Variants in SGK2 observed in about 807,000 individuals in gnomAD.
SGK2 encodes serum/glucocorticoid regulated kinase 2.
In SGK2, 36 loss-of-function variants were observed where a neutral mutation model predicts 47.5. The observed-to-expected ratio is 0.76, with a 90% CI of 0.58 to 1.00. SGK2 has a LOEUF of 1.00. Among genes scored for constraint, SGK2 ranks in the 50% least tolerant of loss-of-function variants. The probability of loss-of-function intolerance (pLI) is 0.00; values close to 1 mark genes in which losing one functional copy is unlikely to be tolerated. For missense variants in SGK2, 404 were observed against 467.4 expected, an observed-to-expected ratio of 0.86 and a Z score of 1.25; for synonymous variants, 157 against 181.9, an observed-to-expected ratio of 0.86 and a Z score of 1.10.
At position 43,583,692 on chromosome 20, in the gene SGK2, G is replaced by A. The variant is rs920001981; in HGVS notation, c.940-1160G>A. 4.9e-6 allele frequency: 4 copies of A among 818,262 alleles called. 1 individual carries two copies. 50.7% of individuals were successfully genotyped at this position (818,262 alleles called of 1,614,324 possible). A position where few individuals can be genotyped will look rare whatever the true frequency, so the allele number is the denominator to read the frequency against. On this transcript the variant is annotated intron_variant, in intron 12 of 12. Transcript: ENST00000373100. The stretch of plus-strand genomic sequence containing the variant: ...GCTTAAAACAACAATCTTTTGGCTG[G>A]GCATGGTAGTTCATATCTGTAACCC...
intron 1 of SGK2, among the ~76,000 whole-genome samples, chr20:43,559,552 C>A (rs1077832): frequency 3.3e-5 from 5 of 151,938 alleles, no homozygotes; most frequent in African/African-American, 1.2e-4. Flanking sequence ...CCTCAGTTTT[C>A]TCCTCCTTGA....
chr20:43,581,309 T>A (rs1201881730), intron 12 of SGK2, among the ~76,000 whole-genome samples: 2 of 152,170 alleles, frequency 1.3e-5, no homozygotes, highest in African/African-American at 4.8e-5. Context: ...TCATAAAAAA[T>A]TTTATAAATA....
chr20:43,563,510 C>T (rs986045078), intron 1 of SGK2, among the ~76,000 whole-genome samples: 1 of 152,118 alleles, frequency 6.6e-6, no homozygotes, highest in African/African-American at 2.4e-5. Context: ...CCATTTGGAA[C>T]GGGCTCAAAA....
rs1348971809 is a variant in SGK2, at chr20:43,585,567, A to G, written c.*551A>G. The G allele has an allele frequency of 6.5e-6, 1 of 153,140 alleles. No individual in the cohort carries two copies. Among genetic ancestry groups the G allele is most frequent in the Non-Finnish European group, 1.5e-5 (1 of 68,692 alleles). The allele number at this position is 153,140 out of a possible 1,614,324, so 9.5% of individuals were successfully genotyped here. A position where few individuals can be genotyped will look rare whatever the true frequency, so the allele number is the denominator to read the frequency against. On this transcript the variant is annotated 3_prime_UTR_variant, in exon 13 of 13. Transcript: ENST00000373100. ...CTCCTGGTGTTTGGATTTTGATCTCAATGTGTAAAATGACAGAGATGTAAC... is the reference window on the plus strand; with the variant it reads ...CTCCTGGTGTTTGGATTTTGATCTCGATGTGTAAAATGACAGAGATGTAAC...
intron 4 of SGK2, 56 bp from the exon 5 acceptor site, chr20:43,567,860 T>C: frequency 6.3e-7 from 1 of 1,576,160 alleles, no homozygotes; most frequent in Admixed American, 1.7e-5. Flanking sequence ...GGCCTTGTAC[T>C]GCTGTTGGGA....
intron 1 of SGK2, among the ~76,000 whole-genome samples, chr20:43,561,119 G>T (rs1979350799): frequency 6.6e-6 from 1 of 152,230 alleles, no homozygotes; most frequent in African/African-American, 2.4e-5. Context: ...ATCAGTACAA[G>T]CCTCTCCAAG....
At chr20:43,562,377 C>G (rs891832752) in intron 1 of SGK2, among the ~76,000 whole-genome samples, 2 of 141,802 alleles carry the variant, frequency 1.4e-5, no homozygotes, top group African/African-American at 5.3e-5. Context: ...TAGATCACTC[C>G]ACTACACTCT....
chr20:43,583,563 C>T, intron 12 of SGK2: 1 of 985,366 alleles, frequency 1.0e-6, no homozygotes, highest in Non-Finnish European at 1.2e-6. Context: ...TTTGCAAGCC[C>T]TTCCCCTTCC....
chr20:43,562,523 A>C (rs1048975111), intron 1 of SGK2, among the ~76,000 whole-genome samples: 3 of 150,366 alleles, frequency 2.0e-5, no homozygotes, highest in Non-Finnish European at 4.4e-5. Context: ...GGTGGATCAC[A>C]TGAGGTCAGG....
chr20:43,566,959 G>C, intron 2 of SGK2, 109 bp from the exon 3 acceptor site: 1 of 831,116 alleles, frequency 1.2e-6, no homozygotes, highest in Non-Finnish European at 2.0e-6. Context: ...AAAGAAAAAG[G>C]CAGGCAGGCC....
At chr20:43,563,158 G>GA (rs974494165) in intron 1 of SGK2, among the ~76,000 whole-genome samples, 1 of 143,684 alleles carries the variant, frequency 7.0e-6, no homozygotes, top group Admixed American at 6.9e-5. Context: ...AAGAAAGAAA[G>GA]AAAAAAAAAG....
intron 1 of SGK2, among the ~76,000 whole-genome samples, chr20:43,562,877 A>C (rs1979474104): frequency 6.6e-6 from 1 of 152,130 alleles, no homozygotes; most frequent in Middle Eastern, 3.2e-3. Flanking sequence ...TCACGCCTGT[A>C]ATCCCAACAC....
chr20:43,567,815 C>T (rs1464669522), intron 4 of SGK2, 93 bp downstream of exon 4: 3 of 1,552,758 alleles, frequency 1.9e-6, no homozygotes, highest in Non-Finnish European at 2.7e-6. Context: ...AGAGAGAGCA[C>T]TCGCACCTGC....
chr20:43,573,142 A>C (rs1980241548), intron 9 of SGK2, among the ~76,000 whole-genome samples: 1 of 152,226 alleles, frequency 6.6e-6, no homozygotes, highest in Non-Finnish European at 1.5e-5. Flanking sequence ...CTCAGCAGTC[A>C]TTCAGACATG....
At chr20:43,577,864 C>T (rs917493808) in intron 11 of SGK2, among the ~76,000 whole-genome samples, 12 of 151,916 alleles carry the variant, frequency 7.9e-5, no homozygotes, top group Non-Finnish European at 1.8e-4. Flanking sequence ...AGGCTGGTCT[C>T]GAACGCCTGA....
chr20:43,566,694 T>G (rs1477626196), intron 2 of SGK2, among the ~76,000 whole-genome samples, 163 bp downstream of exon 2: 1 of 152,124 alleles, frequency 6.6e-6, no homozygotes, highest in African/African-American at 2.4e-5. Context: ...GAAATAGGGC[T>G]TCAAGATGAA....
In SGK2 at chr20:43,585,609, A is replaced by G. The variant is rs1415792100; in HGVS notation, c.*593A>G. The G allele has an allele frequency of 1.3e-5, 2 of 152,570 alleles. No homozygotes were observed. The highest frequency in any genetic ancestry group is 2.9e-5 in the Non-Finnish European group (2 of 68,338). The allele number at this position is 152,570 out of a possible 1,614,324, so 9.5% of individuals were successfully genotyped here. ...AGATGTAACAAGCTCATAGGGTATC[A>G]ATATCTCTTATTGTTCTATGTTGAT... is the stretch of plus-strand genomic sequence containing the variant. On this transcript the variant is annotated 3_prime_UTR_variant, in exon 13 of 13. Coordinates refer to ENST00000373100, the MANE Select transcript of SGK2 (RefSeq NM_170693.3).
At chr20:43,570,808 C>T (rs2145542189) in intron 7 of SGK2, 79 bp downstream of exon 7, 1 of 1,311,784 alleles carries the variant, frequency 7.6e-7, no homozygotes, top group African/African-American at 1.5e-5. Flanking sequence ...ACACTAAATC[C>T]TGATGAAATC....
Position 43,577,561 on chromosome 20 carries a change from A to AG in SGK2, c.849+1183dup, listed in dbSNP as rs559036591. 1.5e-4 allele frequency among the ~76,000 whole-genome samples: 23 copies of AG among 150,792 alleles called. No homozygotes were observed. The East Asian group carries it at 4.5e-3, about 30-fold the overall frequency. On this transcript the variant is annotated intron_variant, in intron 11 of 12. Coordinates refer to ENST00000373100, the MANE Select transcript of SGK2 (RefSeq NM_170693.3). Reference sequence around the variant, plus strand: ...GAGACGGGGTTTCACCAAGTTGGCCAGATGGTCTCGATCTTTTGACCTTGT... The same window carrying AG: ...GAGACGGGGTTTCACCAAGTTGGCCAGGATGGTCTCGATCTTTTGACCTTGT...
Sources: allele counts gnomAD v4.1 joint callset (sites outside exome capture counted in the v4.1 genomes callset), GRCh38; gene constraint gnomAD v4.1.1; transcripts MANE v1.5; gene names NCBI Gene and HGNC (gene_info 2026-07-23, HGNC 2026-07-21).